Variants in PIK3C2G observed in about 807,000 individuals in gnomAD.
The protein encoded by PIK3C2G is phosphatidylinositol-4-phosphate 3-kinase catalytic subunit type 2 gamma.
A neutral mutation model predicts 181.1 loss-of-function variants in PIK3C2G; 168 were observed. The observed-to-expected ratio is 0.93, with a 90% CI of 0.82 to 1.05. The LOEUF (loss-of-function observed/expected upper bound fraction) is 1.05, where lower values mean the gene tolerates loss of function less well. Among genes scored for constraint, PIK3C2G ranks in the 50% least tolerant of loss-of-function variants. The pLI is 0.00. For synonymous variants in PIK3C2G, 573 were observed against 592.2 expected, an observed-to-expected ratio of 0.97 and a Z score of 0.47; for missense variants, 1,869 against 1,732.8, an observed-to-expected ratio of 1.08 and a Z score of -1.40.
chr12:18,714,417 T>C, the PIK3C2G span, among the ~76,000 whole-genome samples: 1 of 152,138 alleles, frequency 6.6e-6, no homozygotes, highest in East Asian at 1.9e-4. Flanking sequence ...TGACTGTTAG[T>C]AAATATTTAT....
At chr12:18,292,227 A>AAAAAAAAAAAAATATAT in intron 4 of PIK3C2G, among the ~76,000 whole-genome samples, 2 of 48,732 alleles carry the variant, frequency 4.1e-5, no homozygotes, top group African/African-American at 1.1e-4. Flanking sequence ...AAAAAAAAAA[A>AAAAAAAAAAAAATATAT]ATATATATAT....
chr12:18,431,161 T>A (rs1013801314), intron 18 of PIK3C2G, among the ~76,000 whole-genome samples: 1 of 152,196 alleles, frequency 6.6e-6, no homozygotes, highest in Non-Finnish European at 1.5e-5. Context: ...AGGTTAAGTA[T>A]TGCTCTCTTC....
chr12:18,575,397 C>G (rs11044200), intron 29 of PIK3C2G, among the ~76,000 whole-genome samples: 1 of 151,990 alleles, frequency 6.6e-6, no homozygotes, highest in Non-Finnish European at 1.5e-5. Context: ...TGAGAACCAT[C>G]GTCTCAGACA....
At chr12:18,431,504 G>A (rs1284613889) in intron 18 of PIK3C2G, among the ~76,000 whole-genome samples, 5 of 152,190 alleles carry the variant, frequency 3.3e-5, no homozygotes, top group Non-Finnish European at 7.3e-5. Flanking sequence ...AAAAGTCTGT[G>A]TGCTCCCATT....
rs532592663 is a variant in PIK3C2G at position 18,306,070 on chromosome 12, A to C, written c.1035-7892A>C. ...TATAAAACTTTTTTCCAGATTAAAA[A>C]AAAACCTCTTTGCAGAATGTTCCAT... On this transcript the variant is annotated intron_variant, in intron 5 of 32. Transcript: ENST00000538779. Among the ~76,000 whole-genome samples, 5 of 152,160 alleles carry C rather than the reference A, an allele frequency of 3.3e-5. No individual in the cohort carries two copies. The South Asian group carries it at 1.0e-3, about 32-fold the overall frequency.
chr12:18,700,442 G>A, the PIK3C2G span, among the ~76,000 whole-genome samples: 1 of 136,928 alleles, frequency 7.3e-6, no homozygotes, highest in Non-Finnish European at 1.5e-5. Flanking sequence ...CAGCTAAACA[G>A]AGCTTTGCAT....
chr12:18,411,783 A>G (rs778578320), intron 16 of PIK3C2G, among the ~76,000 whole-genome samples: 67 of 152,142 alleles, frequency 4.4e-4, no homozygotes, highest in Non-Finnish European at 8.4e-4. Flanking sequence ...ATTTGATCTC[A>G]GATTTCTTTG....
At chr12:18,297,640 C>G (rs1410058806) in intron 5 of PIK3C2G, among the ~76,000 whole-genome samples, 1 of 151,956 alleles carries the variant, frequency 6.6e-6, no homozygotes, top group African/African-American at 2.4e-5. Context: ...TTCATTCTAT[C>G]TAACTATATG....
At position 18,594,496 on chromosome 12, in the gene PIK3C2G, T is replaced by G. The variant is rs1220789614; in HGVS notation, c.4014T>G (p.Ser1338Arg). The change falls in exon 30 of 33, where the codon AGT becomes AGG. Residue 1338 changes from serine to arginine, a missense_variant and splice_region_variant. Transcript: ENST00000538779. The part of the protein sequence containing the change: ...ILNVSHEVTN[S>R]DCVLSFFLSE... ...TTATGTTTCATTTTGTTTTTCAGAG[T>G]GATTGTGTACTTAGCTTTTTCCTCT... 4 of 1,540,152 alleles carry G rather than the reference T, an allele frequency of 2.6e-6. No homozygotes were observed. The highest frequency in any genetic ancestry group is 3.5e-6 in the Non-Finnish European group (4 of 1,146,200).
chr12:18,416,950 G>C (rs1490440669), intron 16 of PIK3C2G, among the ~76,000 whole-genome samples: 1 of 152,106 alleles, frequency 6.6e-6, no homozygotes, highest in African/African-American at 2.4e-5. Context: ...TCCTTGGATG[G>C]ATCTGGGTAA....
the PIK3C2G span, chr12:18,701,697 T>G: frequency 6.2e-7 from 1 of 1,611,278 alleles, no homozygotes. Context: ...CTTACCACGC[T>G]TATCAGAACC....
At chr12:18,687,572 C>T in the PIK3C2G span, among the ~76,000 whole-genome samples, 1 of 152,196 alleles carries the variant, frequency 6.6e-6, no homozygotes, top group South Asian at 2.1e-4. Context: ...AAAGTTATTT[C>T]CCTTAATTCT....
chr12:18,598,893 G>A (rs1247449392), intron 30 of PIK3C2G, among the ~76,000 whole-genome samples: 6 of 151,010 alleles, frequency 4.0e-5, no homozygotes, highest in East Asian at 2.0e-4. Context: ...AAACACATGA[G>A]AAAATGCTCA....
chr12:18,705,298 C>T, the PIK3C2G span: 6 of 1,613,966 alleles, frequency 3.7e-6, no homozygotes, highest in Non-Finnish European at 5.1e-6. Context: ...AAGAGAGCAC[C>T]ACTGGGTAGT....
chr12:18,561,213 A>C (rs1281292783), intron 26 of PIK3C2G, among the ~76,000 whole-genome samples: 1 of 152,268 alleles, frequency 6.6e-6, no homozygotes. Flanking sequence ...TGAAGGTTAT[A>C]AGAGAAACTG....
At chr12:18,248,869 AC>A (rs1252435834) in intron 1 of PIK3C2G, among the ~76,000 whole-genome samples, 1 of 152,062 alleles carries the variant, frequency 6.6e-6, no homozygotes, top group Non-Finnish European at 1.5e-5. Flanking sequence ...TACCCTCTGT[AC>A]TACTTCCAGG....
chr12:18,554,445 A>G (rs897678878), intron 26 of PIK3C2G, among the ~76,000 whole-genome samples: 8 of 152,104 alleles, frequency 5.3e-5, no homozygotes, highest in African/African-American at 1.9e-4. Context: ...TTAAAGGATT[A>G]GAATATAAAC....
chr12:18,612,531 C>CA (rs886690464), intron 31 of PIK3C2G, among the ~76,000 whole-genome samples: 8 of 152,076 alleles, frequency 5.3e-5, no homozygotes, highest in African/African-American at 1.9e-4. Flanking sequence ...TTTCATCTTC[C>CA]AAAAATCATC....
chr12:18,471,960 T>C (rs1432385653), intron 18 of PIK3C2G, among the ~76,000 whole-genome samples: 1 of 152,144 alleles, frequency 6.6e-6, no homozygotes, highest in Non-Finnish European at 1.5e-5. Flanking sequence ...TATATCAAAT[T>C]AGATACTGCA....
Sources: allele counts gnomAD v4.1 joint callset (sites outside exome capture counted in the v4.1 genomes callset), GRCh38; gene constraint gnomAD v4.1.1; transcripts MANE v1.5; gene names NCBI Gene and HGNC (gene_info 2026-07-23, HGNC 2026-07-21).